SDK1: variants seen among roughly 807,000 people sequenced by gnomAD.
SDK1 encodes protein sidekick-1.
A neutral mutation model predicts 245.5 loss-of-function variants in SDK1; 157 were observed. The observed-to-expected ratio is 0.64, with a 90% CI of 0.56 to 0.73. SDK1 has a LOEUF of 0.73. Ranked by LOEUF, SDK1 falls within the 30% of genes least tolerant of loss-of-function variation. The probability of loss-of-function intolerance (pLI) is 0.00; values close to 1 mark genes in which losing one functional copy is unlikely to be tolerated. For synonymous variants in SDK1, 1,647 were observed against 1,278.5 expected, an observed-to-expected ratio of 1.29 and a Z score of -6.15; for missense variants, 3,583 against 3,002.3, an observed-to-expected ratio of 1.19 and a Z score of -4.52.
intron 34 of SDK1, among the ~76,000 whole-genome samples, chr7:4,178,283 T>G (rs1002002427): frequency 6.6e-6 from 1 of 152,092 alleles, no homozygotes; most frequent in Admixed American, 6.5e-5. Context: ...GTCTTTTGCT[T>G]AATGGTGGTG....
chr7:3,951,816 T>C lies in SDK1; in HGVS notation c.1046T>C (p.Ile349Thr). The change falls in exon 7 of 45, where the codon ATC (isoleucine) becomes ACC (threonine). Residue 349 changes from isoleucine (I) to threonine (T), a missense_variant. Transcript: ENST00000404826. ...GLHSFGRRLT[I>T]SNPTSADTGP... ...CACAGCTTTGGAAGACGCCTCACCATCAGCAACCCGACGTCCGCGGACACC... is the reference window on the plus strand; with the variant it reads ...CACAGCTTTGGAAGACGCCTCACCACCAGCAACCCGACGTCCGCGGACACC... The C allele has an allele frequency of 6.2e-7, 1 of 1,613,822 alleles. No individual in the cohort carries two copies. The highest frequency in any genetic ancestry group is 8.5e-7 in the Non-Finnish European group (1 of 1,179,996).
chr7:4,255,379 T>G (rs1018673354), intron 44 of SDK1, among the ~76,000 whole-genome samples: 1 of 152,138 alleles, frequency 6.6e-6, no homozygotes, highest in South Asian at 2.1e-4. Flanking sequence ...AAAGTGGAGG[T>G]GAGGACAATA....
chr7:4,129,905 C>G lies in SDK1; in HGVS notation c.3940-3C>G. 1 of 1,613,510 alleles carries G rather than the reference C, an allele frequency of 6.2e-7. No individual in the cohort carries two copies. The highest frequency in any genetic ancestry group is 1.7e-5 in the Admixed American group (1 of 60,012). ...TAACCCTCGTGCTGTGTCGATACCACAGATCCTGTTCCGGGCCAAAGACCT... is the reference window on the plus strand; with the variant it reads ...TAACCCTCGTGCTGTGTCGATACCAGAGATCCTGTTCCGGGCCAAAGACCT... On this transcript the variant is annotated splice_polypyrimidine_tract_variant and splice_region_variant and intron_variant, in intron 26 of 44. Coordinates refer to ENST00000404826, the MANE Select transcript of SDK1 (RefSeq NM_152744.4).
At chr7:3,419,626 C>A (rs1272294001) in intron 1 of SDK1, among the ~76,000 whole-genome samples, 1 of 152,172 alleles carries the variant, frequency 6.6e-6, no homozygotes, top group Non-Finnish European at 1.5e-5. Flanking sequence ...GTCAGGTATC[C>A]TAGTCATCTT....
At chr7:3,429,065 C>T (rs1166947464) in intron 1 of SDK1, among the ~76,000 whole-genome samples, 1 of 152,208 alleles carries the variant, frequency 6.6e-6, no homozygotes, top group Middle Eastern at 3.4e-3. Context: ...TAGTCAGAGT[C>T]CACAGTAAGT....
At chr7:3,470,980 T>A (rs773347221) in intron 1 of SDK1, among the ~76,000 whole-genome samples, 27 of 152,342 alleles carry the variant, frequency 1.8e-4, no homozygotes, top group Non-Finnish European at 3.4e-4. Context: ...ACAAGTATCT[T>A]TCTTTCCTCC....
intron 5 of SDK1, among the ~76,000 whole-genome samples, chr7:3,853,559 C>G (rs1780469706): frequency 6.6e-6 from 1 of 152,136 alleles, no homozygotes; most frequent in African/African-American, 2.4e-5. Flanking sequence ...AGAAGTGTTT[C>G]CAGTCTCAGA....
At position 3,301,594 on chromosome 7, in the gene SDK1, G is replaced by A. The variant is rs1262699193; in HGVS notation, c.8G>A (p.Arg3Gln). ...GGGTGGCGGCTGCTCGGCATGGCCC[G>A]GGGCGCCCGGCCCTCGGCGGCCGGT... MA[R>Q]GARPSAAGGG... The change falls in exon 1 of 45, where the codon CGG becomes CAG. Residue 3 changes from arginine (R) to glutamine (Q), a missense_variant. Physicochemically the swap from Arg to Gln is conservative, Grantham distance 43 (BLOSUM62 1). Transcript: ENST00000404826. 1.5e-5 allele frequency: 15 copies of A among 972,940 alleles called. No individual in the cohort carries two copies. The highest frequency in any genetic ancestry group is 1.8e-5 in the Non-Finnish European group (15 of 822,442). The allele number at this position is 972,940 out of a possible 1,614,324, so 60.3% of individuals were successfully genotyped here.
Position 4,017,089 on chromosome 7 carries a change from A to C in SDK1, c.2421-82A>C, listed in dbSNP as rs1786463883. 4.4e-6 allele frequency: 6 copies of C among 1,354,456 alleles called. No individual in the cohort carries two copies. The Admixed American group carries it at 1.2e-4, about 27-fold the overall frequency. The allele number at this position is 1,354,456 out of a possible 1,614,324, so 83.9% of individuals were successfully genotyped here. ...TGATTATTTACTTCCATTTCCCCCT[A>C]ACCCTGCGGAATAACTGCGGGTAAA... On this transcript the variant is annotated intron_variant, in intron 16 of 44. Coordinates refer to ENST00000404826, the MANE Select transcript of SDK1 (RefSeq NM_152744.4).
At chr7:3,491,422 G>A (rs1281908651) in intron 1 of SDK1, among the ~76,000 whole-genome samples, 1 of 152,228 alleles carries the variant, frequency 6.6e-6, no homozygotes, top group Non-Finnish European at 1.5e-5. Context: ...AGACCCACTG[G>A]TTTAGAGCTG....
chr7:3,798,533 A>G (rs1779025327), intron 4 of SDK1, among the ~76,000 whole-genome samples: 1 of 152,072 alleles, frequency 6.6e-6, no homozygotes, highest in South Asian at 2.1e-4. Context: ...GACACTCTTG[A>G]TGAGTGCTGA....
intron 2 of SDK1, among the ~76,000 whole-genome samples, chr7:3,636,602 C>T (rs1465620349): frequency 6.6e-6 from 1 of 152,190 alleles, no homozygotes; most frequent in Non-Finnish European, 1.5e-5. Context: ...TTTCGCCATT[C>T]CTCAGCAGAC....
chr7:3,869,251 G>C (rs957226590), intron 5 of SDK1, among the ~76,000 whole-genome samples: 11 of 151,434 alleles, frequency 7.3e-5, no homozygotes, highest in Admixed American at 6.6e-4. Context: ...CACCTCCCGG[G>C]TTCAAGCGAT....
intron 2 of SDK1, among the ~76,000 whole-genome samples, chr7:3,629,667 G>A (rs1782231344): frequency 6.6e-6 from 1 of 152,196 alleles, no homozygotes; most frequent in South Asian, 2.1e-4. Context: ...GGATCAAACT[G>A]TTGCTCAATA....
intron 1 of SDK1, among the ~76,000 whole-genome samples, chr7:3,430,569 ATCTGAGCCTCCTGTCCTATGTGACAG>A (rs1473706519): frequency 1.3e-5 from 2 of 152,164 alleles, no homozygotes; most frequent in Non-Finnish European, 2.9e-5. Context: ...TTCTCTAGCC[ATCTGAGCCTCCTGTCCTATGTGACAG>A]TCTCAGCTCA....
At chr7:3,964,710 G>T (rs1215622292) in intron 9 of SDK1, among the ~76,000 whole-genome samples, 2 of 152,092 alleles carry the variant, frequency 1.3e-5, no homozygotes, top group Non-Finnish European at 2.9e-5. Flanking sequence ...TTGCCCTTTC[G>T]GGAGCAAAAT....
rs186887206 is a variant in SDK1 at position 3,819,553 on chromosome 7, T to A, written c.714-1897T>A. ...CTTCATGTGTAGTAAATATTCATAT[T>A]TAATTTTAGCTGCCAGTGTAACATA... On this transcript the variant is annotated intron_variant, in intron 4 of 44. Coordinates refer to ENST00000404826, the MANE Select transcript of SDK1 (RefSeq NM_152744.4). Among the ~76,000 whole-genome samples the A allele has an allele frequency of 3.0e-3, 464 of 152,238 alleles. 3 individuals carry two copies. The highest frequency in any genetic ancestry group is 0.011 in the African/African-American group (444 of 41,570).
chr7:3,428,859 G>A (rs12530614), intron 1 of SDK1, among the ~76,000 whole-genome samples: 4,657 of 152,220 alleles, frequency 0.031, 85 homozygotes, highest in Admixed American at 0.048. Context: ...GGAACATCCC[G>A]TAGTCAAGTG....
chr7:4,123,968 G>C (rs1274694155), intron 25 of SDK1, among the ~76,000 whole-genome samples: 1 of 152,220 alleles, frequency 6.6e-6, no homozygotes, highest in African/African-American at 2.4e-5. Context: ...AGGTTCCTCT[G>C]TGGTTTCAGA....
Sources: allele counts gnomAD v4.1 joint callset (sites outside exome capture counted in the v4.1 genomes callset), GRCh38; gene constraint gnomAD v4.1.1; transcripts MANE v1.5; gene names NCBI Gene and HGNC (gene_info 2026-07-23, HGNC 2026-07-21).